Variants in CSGALNACT1 observed in about 807,000 individuals in gnomAD.
CSGALNACT1 encodes the protein chondroitin sulfate N-acetylgalactosaminyltransferase 1, also known as beta4GalNAcT-1.
CSGALNACT1 carries 52 observed loss-of-function variants against 51.0 expected under a neutral mutation model. That is an observed-to-expected ratio of 1.02 (90% CI 0.82 to 1.29). The LOEUF is 1.29. Ranked by LOEUF, CSGALNACT1 falls within the 50% of genes most tolerant of loss-of-function variation. The pLI is 0.00. For synonymous variants in CSGALNACT1, 341 were observed against 254.4 expected (o/e 1.34, Z -3.24); for missense variants, 935 against 679.2 (o/e 1.38, Z -4.19).
intron 1 of CSGALNACT1, among the ~76,000 whole-genome samples, chr8:19,681,673 C>T (rs554793282): frequency 1.3e-5 from 2 of 152,302 alleles, no homozygotes; most frequent in South Asian, 4.1e-4. Context: ...ACTTGCAGCA[C>T]CTCATCTGGC....
intron 2 of CSGALNACT1, among the ~76,000 whole-genome samples, chr8:19,595,688 G>A (rs919347999): frequency 6.6e-6 from 1 of 151,838 alleles, no homozygotes; most frequent in African/African-American, 2.4e-5. Context: ...GGCCAAGGCA[G>A]GACCCTGTTT....
intron 1 of CSGALNACT1, among the ~76,000 whole-genome samples, chr8:19,694,558 A>T (rs1380408314): frequency 2.0e-5 from 3 of 152,248 alleles, no homozygotes; most frequent in African/African-American, 7.2e-5. Flanking sequence ...GGCTTTCCTA[A>T]GCCTACACAC....
chr8:19,464,182 A>G (rs1269177616), intron 4 of CSGALNACT1, among the ~76,000 whole-genome samples: 1 of 152,158 alleles, frequency 6.6e-6, no homozygotes, highest in African/African-American at 2.4e-5. Context: ...CTCAGTCTCC[A>G]CATTCATCCC....
intron 2 of CSGALNACT1, among the ~76,000 whole-genome samples, chr8:19,597,546 TCCTCCCACCTCA>T (rs2049226854): frequency 6.6e-6 from 1 of 152,048 alleles, no homozygotes; most frequent in Middle Eastern, 3.2e-3. Context: ...GCTCAAGTGA[TCCTCCCACCTCA>T]CCTCCCAGAG....
chr8:19,697,268 G>T (rs1278683142), intron 1 of CSGALNACT1, among the ~76,000 whole-genome samples: 1 of 152,102 alleles, frequency 6.6e-6, no homozygotes, highest in Non-Finnish European at 1.5e-5. Context: ...GAGCCATAGA[G>T]GCAGTTTCAT....
intron 3 of CSGALNACT1, among the ~76,000 whole-genome samples, chr8:19,557,741 G>A (rs115525475): frequency 6.6e-6 from 1 of 151,928 alleles, no homozygotes; most frequent in Admixed American, 6.6e-5. Flanking sequence ...TTTTCTTCTT[G>A]CCACTTCTTC....
intron 3 of CSGALNACT1, among the ~76,000 whole-genome samples, chr8:19,550,934 C>T (rs1352029289): frequency 6.6e-6 from 1 of 152,164 alleles, no homozygotes; most frequent in Non-Finnish European, 1.5e-5. Flanking sequence ...GGAAAACATA[C>T]CTGCAAGGGT....
chr8:19,406,020 A>C, exon 10 of CSGALNACT1: 3 of 1,614,132 alleles, frequency 1.9e-6, no homozygotes, highest in Non-Finnish European at 2.5e-6. Flanking sequence ...ACTTGCGATA[A>C]AGGTGCACAT....
At chr8:19,672,761 CT>C (rs1224165377) in intron 1 of CSGALNACT1, among the ~76,000 whole-genome samples, 1 of 152,100 alleles carries the variant, frequency 6.6e-6, no homozygotes, top group African/African-American at 2.4e-5. Context: ...ATTTTTTATA[CT>C]GTCACACCAA....
intron 8 of CSGALNACT1, among the ~76,000 whole-genome samples, chr8:19,411,189 G>A (rs562370546): frequency 2.7e-4 from 41 of 152,228 alleles, no homozygotes; most frequent in Non-Finnish European, 1.0e-4. Flanking sequence ...CAGAGTGGTC[G>A]TCCTGACCCT....
intron 1 of CSGALNACT1, among the ~76,000 whole-genome samples, chr8:19,657,361 G>C (rs947694228): frequency 6.6e-6 from 1 of 151,974 alleles, no homozygotes; most frequent in African/African-American, 2.4e-5. Flanking sequence ...ATTTCTATGA[G>C]AAAAGGAAAG....
At chr8:19,584,223 T>G (rs911511269) in intron 3 of CSGALNACT1, among the ~76,000 whole-genome samples, 10 of 152,238 alleles carry the variant, frequency 6.6e-5, no homozygotes, top group Admixed American at 3.9e-4. Flanking sequence ...CTCCCAGAGC[T>G]AACATTTGAG....
At chr8:19,420,377 A>T (rs372955387) in exon 7 of CSGALNACT1, 1 of 1,614,230 alleles carries the variant, frequency 6.2e-7, no homozygotes, top group Admixed American at 1.7e-5. Context: ...TGAGGAATTC[A>T]GATGTGAAGT....
chr8:19,523,293 C>G (rs777775781), intron 3 of CSGALNACT1, among the ~76,000 whole-genome samples: 2 of 152,296 alleles, frequency 1.3e-5, no homozygotes, highest in South Asian at 4.1e-4. Context: ...GAGACAGGTT[C>G]TCACTCTGTC....
At chr8:19,628,822 A>G (rs2054811093) in intron 1 of CSGALNACT1, among the ~76,000 whole-genome samples, 1 of 152,126 alleles carries the variant, frequency 6.6e-6, no homozygotes, top group Admixed American at 6.6e-5. Context: ...GAAAAGCAGG[A>G]CAAACAGAAG....
At chr8:19,700,643 C>T (rs2061814962) in intron 1 of CSGALNACT1, among the ~76,000 whole-genome samples, 1 of 152,128 alleles carries the variant, frequency 6.6e-6, no homozygotes, top group South Asian at 2.1e-4. Context: ...TGAAAACATC[C>T]GATGTTCCTA....
chr8:19,475,783 G>T (rs970196784), intron 4 of CSGALNACT1, among the ~76,000 whole-genome samples: 4 of 152,146 alleles, frequency 2.6e-5, no homozygotes, highest in South Asian at 2.1e-4. Flanking sequence ...CTGTGTTGTG[G>T]CAAGTCATAG....
intron 3 of CSGALNACT1, among the ~76,000 whole-genome samples, chr8:19,538,716 G>A (rs1322538070): frequency 6.6e-6 from 1 of 152,096 alleles, no homozygotes; most frequent in African/African-American, 2.4e-5. Flanking sequence ...AGCTGGAGAT[G>A]GCTGGAAGAT....
chr8:19,513,554 CACTT>C (rs2078913282), intron 3 of CSGALNACT1, among the ~76,000 whole-genome samples: 1 of 151,622 alleles, frequency 6.6e-6, no homozygotes, highest in African/African-American at 2.4e-5. Context: ...CTCTTATACA[CACTT>C]AATTAGTTTA....
Sources: gnomAD v4.1 joint callset for allele counts (sites outside exome capture counted in the v4.1 genomes callset) on GRCh38, gnomAD v4.1.1 for gene constraint, MANE v1.5 for transcripts, NCBI Gene and HGNC (gene_info 2026-07-23, HGNC 2026-07-21) for gene names.